The following SIL1 variants were observed in gnomAD, a reference collection of about 807,000 sequenced individuals.
SIL1 encodes the protein SIL1 nucleotide exchange factor, also known as nucleotide exchange factor SIL1.
Under a neutral mutation model 49.1 loss-of-function variants are expected in SIL1, and 40 were observed. That is an observed-to-expected ratio of 0.81 (90% CI 0.63 to 1.06). The LOEUF (loss-of-function observed/expected upper bound fraction) is 1.06, where lower values mean the gene tolerates loss of function less well. Ranked by LOEUF, SIL1 falls within the 50% of genes least tolerant of loss-of-function variation. The pLI, the probability that SIL1 is intolerant of heterozygous loss-of-function variation, is 0.00. For synonymous variants in SIL1, 253 were observed against 250.8 expected (o/e 1.01, Z -0.08); for missense variants, 500 against 572.6 (o/e 0.87, Z 1.29).
chr5:138,984,981 T>C (rs1767622276), intron 7 of SIL1, among the ~76,000 whole-genome samples: 1 of 152,132 alleles, frequency 6.6e-6, no homozygotes, highest in Non-Finnish European at 1.5e-5. Flanking sequence ...ACGGCAGCAG[T>C]GGAAGCTACA....
intron 6 of SIL1, chr5:139,022,459 G>T (rs1314585673): frequency 2.0e-5 from 3 of 152,244 alleles, no homozygotes. Flanking sequence ...ATGACAGCAG[G>T]GGTTTTGTCT....
chr5:139,027,950 G>C (rs1050989442), intron 5 of SIL1, among the ~76,000 whole-genome samples: 12 of 152,060 alleles, frequency 7.9e-5, no homozygotes, highest in African/African-American at 2.9e-4. Flanking sequence ...TCTTAAAAAA[G>C]ACCAAGCTCC....
chr5:139,078,660 C>T (rs1345907228), intron 3 of SIL1, among the ~76,000 whole-genome samples: 2 of 152,258 alleles, frequency 1.3e-5, no homozygotes, highest in Admixed American at 1.3e-4. Flanking sequence ...AAAACCACTA[C>T]CACACTGCAC....
intron 1 of SIL1, among the ~76,000 whole-genome samples, chr5:139,143,262 CAT>C (rs941503589): frequency 4.2e-4 from 61 of 145,190 alleles, no homozygotes; most frequent in Admixed American, 9.0e-4. Context: ...TATATAAACA[CAT>C]ATATACACAC....
At chr5:138,968,902 C>T (rs1767210176) in intron 7 of SIL1, among the ~76,000 whole-genome samples, 2 of 152,240 alleles carry the variant, frequency 1.3e-5, no homozygotes, top group Admixed American at 6.5e-5. Flanking sequence ...CGGAATCAGA[C>T]TCCGCGACTG....
rs58117206 is a variant in SIL1 at position 138,987,082 on chromosome 5, A to ATTATTTTATTTTATTTTATT, written c.767+34069_767+34088dup. Among the ~76,000 whole-genome samples, 194 of 135,492 alleles carry ATTATTTTATTTTATTTTATT rather than the reference A, an allele frequency of 1.4e-3. 1 individual carries two copies. The highest frequency in any genetic ancestry group is 3.7e-3 in the Middle Eastern group (1 of 270). The allele number at this position is 135,492 out of a possible 152,430, so 88.9% of individuals were successfully genotyped here. On this transcript the variant is annotated intron_variant, in intron 7 of 9. Transcript: ENST00000394817. ...CACTATTTTGTTTTATTTATGATAG[A>ATTATTTTATTTTATTTTATT]TTATTTTATTTTATTTTATTTTATT...
In SIL1 at chr5:139,106,757, A is replaced by G. The variant is rs571679329; in HGVS notation, c.244+14278T>C. 4.6e-5 allele frequency among the ~76,000 whole-genome samples: 7 copies of G among 152,366 alleles called. No homozygotes were observed. In the East Asian group the frequency reaches 1.3e-3, roughly 29 times the overall value. ...TGCTATTAGCATGACAGGGATGGCC[A>G]CATCAGTCATAAGAAAAGCACATGT... On this transcript the variant is annotated intron_variant, in intron 3 of 9. Transcript: ENST00000394817.
At chr5:139,165,798 C>G (rs1357463302) in intron 1 of SIL1, among the ~76,000 whole-genome samples, 1 of 151,942 alleles carries the variant, frequency 6.6e-6, no homozygotes. Context: ...GCTGGGGCTA[C>G]AGGTACATGC....
At chr5:139,101,824 G>A (rs1357932047) in intron 3 of SIL1, among the ~76,000 whole-genome samples, 1 of 152,154 alleles carries the variant, frequency 6.6e-6, no homozygotes, top group African/African-American at 2.4e-5. Flanking sequence ...CAATGAGAAT[G>A]TGTATTCTGT....
At chr5:139,120,731 A>T (rs1236836031) in intron 3 of SIL1, among the ~76,000 whole-genome samples, 1 of 152,236 alleles carries the variant, frequency 6.6e-6, no homozygotes, top group Non-Finnish European at 1.5e-5. Flanking sequence ...AGAGCAAGGC[A>T]CATGTCACTG....
At chr5:139,050,147 A>C (rs2150453267) in intron 4 of SIL1, among the ~76,000 whole-genome samples, 1 of 152,302 alleles carries the variant, frequency 6.6e-6, no homozygotes, top group African/African-American at 2.4e-5. Flanking sequence ...AAATGTAAAA[A>C]CCAATTTCAC....
chr5:139,178,951 C>T (rs1751934212), intron 1 of SIL1, among the ~76,000 whole-genome samples: 1 of 152,156 alleles, frequency 6.6e-6, no homozygotes, highest in South Asian at 2.1e-4. Flanking sequence ...CTACTTAGAG[C>T]TGTTCTCCTC....
rs1301971194 is a variant in SIL1 at position 138,993,483 on chromosome 5, C to T, written c.767+27688G>A. ...AGCCAGACGCATCCTTGTGTAATTA[C>T]CTCCCATTGGGTGTGGGAATATGAC... On this transcript the variant is annotated intron_variant, in intron 7 of 9. Coordinates refer to ENST00000394817, the MANE Select transcript of SIL1 (RefSeq NM_022464.5). 3.9e-5 allele frequency among the ~76,000 whole-genome samples: 6 copies of T among 152,212 alleles called. No homozygotes were observed. In the East Asian group the frequency reaches 1.2e-3, roughly 29 times the overall value.
chr5:139,170,983 C>G (rs1204479879), intron 1 of SIL1, among the ~76,000 whole-genome samples: 2 of 145,882 alleles, frequency 1.4e-5, no homozygotes, highest in Non-Finnish European at 3.1e-5. Flanking sequence ...CCAGCCGCCC[C>G]GTCCGGGAGG....
At chr5:138,963,115 T>C (rs532235114) in intron 7 of SIL1, among the ~76,000 whole-genome samples, 1 of 152,308 alleles carries the variant, frequency 6.6e-6, no homozygotes, top group East Asian at 1.9e-4. Context: ...TATACTCAGT[T>C]GGTGGTATAA....
At chr5:138,958,459 TGGGG>T in intron 7 of SIL1, among the ~76,000 whole-genome samples, 1 of 152,336 alleles carries the variant, frequency 6.6e-6, no homozygotes, top group South Asian at 2.1e-4. Flanking sequence ...TAATATTTTG[TGGGG>T]AGACACTTTG....
intron 2 of SIL1, among the ~76,000 whole-genome samples, chr5:139,126,234 A>T (rs1017030799): frequency 6.6e-6 from 1 of 152,262 alleles, no homozygotes; most frequent in African/African-American, 2.4e-5. Context: ...ACATAAGGAT[A>T]AAAGCAGCTT....
At position 138,947,522 on chromosome 5, in the gene SIL1, A is replaced by T; in HGVS notation, c.1030-49T>A. ...CCAGGTAGGGTGGGGGTGGGGAGAG[A>T]ACACACAGGGAGCAGTTAGCTCACA... On this transcript the variant is annotated intron_variant, in intron 9 of 9. Coordinates refer to ENST00000394817, the MANE Select transcript of SIL1 (RefSeq NM_022464.5). The surrounding 1 kb of genome is among the most constrained non-coding windows in gnomAD (Gnocchi z 4.1). The T allele has an allele frequency of 1.9e-6, 3 of 1,547,676 alleles. No homozygotes were observed. The highest frequency in any genetic ancestry group is 2.7e-6 in the Non-Finnish European group (3 of 1,120,684).
chr5:139,156,286 T>C (rs886923842), intron 1 of SIL1, among the ~76,000 whole-genome samples: 3 of 152,054 alleles, frequency 2.0e-5, no homozygotes, highest in Non-Finnish European at 4.4e-5. Context: ...GATAAGAAAA[T>C]AAGTTCACAC....
Sources: allele counts gnomAD v4.1 joint callset (sites outside exome capture counted in the v4.1 genomes callset), GRCh38; gene constraint gnomAD v4.1.1; non-coding constraint Gnocchi (gnomAD v3.1); transcripts MANE v1.5; gene names NCBI Gene and HGNC (gene_info 2026-07-23, HGNC 2026-07-21).